PVT1: variants seen among roughly 807,000 people sequenced by gnomAD.
PVT1 encodes the protein Pvt1 oncogene.
chr8:127,996,645 A>C (rs950137890), intron 4 of PVT1: 2 of 152,138 alleles, frequency 1.3e-5, no homozygotes, highest in African/African-American at 2.4e-5. Context: ...TCATAAAGAC[A>C]GAATCAAGAA....
Position 127,973,957 on chromosome 8 carries a change from G to GC in PVT1, n.783-15205_783-15204insC, listed in dbSNP as rs375090671. On this transcript the variant is annotated intron_variant and non_coding_transcript_variant, in intron 3 of 10. Coordinates refer to ENST00000651587, the Ensembl canonical transcript of PVT1. Reference sequence around the variant, plus strand: ...ATCGCACCACTGCACTCCAGCCTGGGGACAGAGCGAGACTCCGTCTCAGAA... The same window carrying GC: ...ATCGCACCACTGCACTCCAGCCTGGGCGACAGAGCGAGACTCCGTCTCAGAA... Among the ~76,000 whole-genome samples the GC allele has an allele frequency of 4.3e-3, 652 of 151,546 alleles. 6 individuals are homozygous for GC. Among genetic ancestry groups the GC allele is most frequent in the African/African-American group, 0.015 (622 of 41,150 alleles).
chr8:127,795,119 A>G (rs530403382), intron 1 of PVT1, among the ~76,000 whole-genome samples: 1 of 152,268 alleles, frequency 6.6e-6, no homozygotes, highest in Non-Finnish European at 1.5e-5. Context: ...TCCTTTGACC[A>G]TCACTCCCCG....
chr8:128,067,746 G>C (rs762174121), intron 4 of PVT1, among the ~76,000 whole-genome samples: 1 of 151,958 alleles, frequency 6.6e-6, no homozygotes, highest in African/African-American at 2.4e-5. Context: ...TGTGACCAGC[G>C]ACCAGGGAGG....
intron 3 of PVT1, among the ~76,000 whole-genome samples, chr8:127,896,967 C>T (rs1815686832): frequency 6.6e-6 from 1 of 152,112 alleles, no homozygotes; most frequent in Admixed American, 6.6e-5. Flanking sequence ...TGACCTCACC[C>T]CATGAAGCTG....
At chr8:127,990,604 T>A (rs765097928) in intron 4 of PVT1, among the ~76,000 whole-genome samples, 1 of 152,210 alleles carries the variant, frequency 6.6e-6, no homozygotes, top group Admixed American at 6.5e-5. Flanking sequence ...TGAGAAGCTG[T>A]GGACTGGTGA....
At chr8:127,818,626 T>C (rs1331429681) in intron 2 of PVT1, among the ~76,000 whole-genome samples, 1 of 152,182 alleles carries the variant, frequency 6.6e-6, no homozygotes, top group Non-Finnish European at 1.5e-5. Flanking sequence ...AAGGCAATCA[T>C]GCATAATGGA....
At chr8:128,074,144 C>T (rs1289496015) in intron 5 of PVT1, among the ~76,000 whole-genome samples, 2 of 152,082 alleles carry the variant, frequency 1.3e-5, no homozygotes, top group Non-Finnish European at 2.9e-5. Context: ...ATACTTTTTA[C>T]AAGAGACCAG....
chr8:128,013,407 A>C (rs1817337734), intron 4 of PVT1, among the ~76,000 whole-genome samples: 1 of 151,950 alleles, frequency 6.6e-6, no homozygotes, highest in Admixed American at 6.6e-5. Context: ...CCCCTGGCAG[A>C]GTTAGCCACT....
chr8:127,801,800 G>A (rs1051420113), intron 2 of PVT1, among the ~76,000 whole-genome samples: 15 of 152,136 alleles, frequency 9.9e-5, no homozygotes, highest in Non-Finnish European at 4.4e-5. Flanking sequence ...CCCTATGTGG[G>A]TATTGAGCAC....
intron 4 of PVT1, among the ~76,000 whole-genome samples, chr8:128,057,895 C>A (rs1046489150): frequency 3.3e-5 from 5 of 152,112 alleles, no homozygotes; most frequent in African/African-American, 1.2e-4. Flanking sequence ...TATCATTGGC[C>A]TAGCTTTCAA....
chr8:127,901,752 T>C (rs965079260), intron 3 of PVT1, among the ~76,000 whole-genome samples: 24 of 151,790 alleles, frequency 1.6e-4, no homozygotes, highest in African/African-American at 5.8e-4. Flanking sequence ...AGAAGAGTTT[T>C]TTTTTTTTTA....
chr8:127,831,043 C>CGTGT (rs59440311), intron 2 of PVT1, among the ~76,000 whole-genome samples: 15 of 101,184 alleles, frequency 1.5e-4, no homozygotes, highest in East Asian at 4.7e-4. Flanking sequence ...TATATACATA[C>CGTGT]GTGTGTGTGT....
intron 4 of PVT1, among the ~76,000 whole-genome samples, chr8:128,056,166 G>A (rs1272435265): frequency 2.0e-5 from 3 of 152,178 alleles, no homozygotes; most frequent in Non-Finnish European, 2.9e-5. Flanking sequence ...GACTAGCTAT[G>A]GGACCTTAGG....
chr8:128,039,722 A>T (rs1412525950), intron 4 of PVT1, among the ~76,000 whole-genome samples: 1 of 152,166 alleles, frequency 6.6e-6, no homozygotes. Flanking sequence ...TTTTAATGAG[A>T]TCCTTCTGGC....
At chr8:127,937,548 GACACACACACACACAC>G (rs35147410) in intron 3 of PVT1, among the ~76,000 whole-genome samples, 1 of 122,632 alleles carries the variant, frequency 8.2e-6, no homozygotes, top group African/African-American at 3.4e-5. Context: ...TAGGGAAAAA[GACACACACACACACAC>G]ACACACACAC....
chr8:127,924,732 T>G (rs7829880), intron 3 of PVT1, among the ~76,000 whole-genome samples: 16,532 of 152,056 alleles, frequency 0.11, 1,059 homozygotes, highest in Non-Finnish European at 0.14. Context: ...AGGATGGTCT[T>G]GATCTCCTGA....
chr8:127,891,175 T>C (rs1454082365), intron 3 of PVT1, among the ~76,000 whole-genome samples: 1 of 152,140 alleles, frequency 6.6e-6, no homozygotes, highest in Non-Finnish European at 1.5e-5. Flanking sequence ...CCCTGACGTG[T>C]GTTATTGTAC....
intron 3 of PVT1, among the ~76,000 whole-genome samples, chr8:127,894,149 G>A (rs766402001): frequency 1.6e-4 from 25 of 152,098 alleles, no homozygotes; most frequent in African/African-American, 5.1e-4. Flanking sequence ...CTCTCTAGTC[G>A]TACGGGCTGC....
chr8:128,029,298 CT>C (rs200459934), intron 4 of PVT1, among the ~76,000 whole-genome samples: 19 of 146,096 alleles, frequency 1.3e-4, no homozygotes, highest in South Asian at 2.2e-4. Flanking sequence ...AATTTTTTGA[CT>C]TTTTTTTTGC....
Sources: allele counts gnomAD v4.1 joint callset (sites outside exome capture counted in the v4.1 genomes callset), GRCh38; gene constraint gnomAD v4.1.1; transcripts MANE v1.5; gene names NCBI Gene and HGNC (gene_info 2026-07-23, HGNC 2026-07-21).